MAGI2: variants seen among roughly 807,000 people sequenced by gnomAD.
MAGI2 encodes membrane-associated guanylate kinase, WW and PDZ domain-containing protein 2.
In MAGI2, 35 loss-of-function variants were observed where a neutral mutation model predicts 133.3. That is an observed-to-expected ratio of 0.26 (90% CI 0.20 to 0.35). MAGI2 has a LOEUF of 0.35. MAGI2 is among the 10% of genes least tolerant of loss of function. The pLI, the probability that MAGI2 is intolerant of heterozygous loss-of-function variation, is 1.00. For missense variants in MAGI2, 1,636 were observed against 1,863.4 expected (o/e 0.88, Z 2.25); for synonymous variants, 729 against 710.6 (o/e 1.03, Z -0.41).
At chr7:79,008,265 A>G (rs1419154093) in intron 1 of MAGI2, among the ~76,000 whole-genome samples, 1 of 152,164 alleles carries the variant, frequency 6.6e-6, no homozygotes, top group Non-Finnish European at 1.5e-5. Context: ...TCTCAGAATT[A>G]GAATTCATGA....
At chr7:78,535,807 C>T (rs1281094055) in intron 3 of MAGI2, among the ~76,000 whole-genome samples, 1 of 152,048 alleles carries the variant, frequency 6.6e-6, no homozygotes, top group South Asian at 2.1e-4. Flanking sequence ...TTTGCAGACC[C>T]TGCATTTCAA....
intron 6 of MAGI2, among the ~76,000 whole-genome samples, chr7:78,415,193 ATC>A (rs1358122306): frequency 6.6e-6 from 1 of 152,074 alleles, no homozygotes; most frequent in Non-Finnish European, 1.5e-5. Context: ...ATTAAGTTAT[ATC>A]TTCATAATTA....
At chr7:79,200,583 C>CCTG (rs1453721663) in intron 1 of MAGI2, among the ~76,000 whole-genome samples, 1 of 151,004 alleles carries the variant, frequency 6.6e-6, no homozygotes, top group Non-Finnish European at 1.5e-5. Flanking sequence ...TGAACTGCAG[C>CCTG]CTGGGTGACA....
intron 1 of MAGI2, among the ~76,000 whole-genome samples, chr7:79,180,704 A>C (rs529091479): frequency 6.6e-6 from 1 of 151,934 alleles, no homozygotes; most frequent in South Asian, 2.1e-4. Context: ...CAAAGTCCTA[A>C]CTCATTTCAG....
At chr7:78,526,097 T>A (rs1796926211) in intron 3 of MAGI2, among the ~76,000 whole-genome samples, 1 of 152,190 alleles carries the variant, frequency 6.6e-6, no homozygotes, top group Non-Finnish European at 1.5e-5. Context: ...ATATTATATA[T>A]AAAGCGAGTG....
intron 6 of MAGI2, among the ~76,000 whole-genome samples, chr7:78,412,839 T>C (rs1797985786): frequency 6.6e-6 from 1 of 152,094 alleles, no homozygotes; most frequent in South Asian, 2.1e-4. Flanking sequence ...ATATCACAAA[T>C]GTGAACTGCA....
intron 1 of MAGI2, among the ~76,000 whole-genome samples, chr7:79,308,740 T>C (rs1021841177): frequency 5.3e-5 from 8 of 152,174 alleles, no homozygotes; most frequent in Non-Finnish European, 8.8e-5. Flanking sequence ...CTCATTTCTA[T>C]TGGGCATTTA....
At position 78,019,259 on chromosome 7, in the gene MAGI2, G is replaced by T. The variant is rs1372759809; in HGVS notation, c.*56C>A. 2 of 1,564,508 alleles carry T rather than the reference G, an allele frequency of 1.3e-6. No individual in the cohort carries two copies. The highest frequency in any genetic ancestry group is 1.7e-6 in the Non-Finnish European group (2 of 1,160,286). On this transcript the variant is annotated 3_prime_UTR_variant, in exon 22 of 22. Transcript: ENST00000354212. ...AAATAAATTAAAACGCCGTGAGACG[G>T]AACCTAAGAAGAACTGCCTGCGCCG... is the stretch of plus-strand genomic sequence containing the variant.
chr7:78,681,148 C>T (rs1452111321), intron 2 of MAGI2, among the ~76,000 whole-genome samples: 3 of 152,030 alleles, frequency 2.0e-5, no homozygotes, highest in African/African-American at 7.2e-5. Context: ...TTACAGCAAC[C>T]AGAAATACAT....
intron 2 of MAGI2, among the ~76,000 whole-genome samples, chr7:78,891,488 T>C (rs1796744182): frequency 6.6e-6 from 1 of 152,188 alleles, no homozygotes; most frequent in African/African-American, 2.4e-5. Flanking sequence ...AATAAAATAC[T>C]GGCAAACCAA....
chr7:78,182,592 A>G (rs191642587), intron 13 of MAGI2, among the ~76,000 whole-genome samples: 1 of 152,044 alleles, frequency 6.6e-6, no homozygotes, highest in Non-Finnish European at 1.5e-5. Flanking sequence ...CCTCTGATTC[A>G]TTCCTGCCAG....
intron 3 of MAGI2, among the ~76,000 whole-genome samples, chr7:78,528,002 T>C (rs1797128350): frequency 6.6e-6 from 1 of 151,742 alleles, no homozygotes; most frequent in East Asian, 1.9e-4. Context: ...TTTTCCCCGT[T>C]TTGGTAAATG....
At chr7:78,739,318 T>C (rs1315959343) in intron 2 of MAGI2, among the ~76,000 whole-genome samples, 1 of 152,080 alleles carries the variant, frequency 6.6e-6, no homozygotes, top group Non-Finnish European at 1.5e-5. Context: ...GCAGAGCAGT[T>C]GGGGTTGCGG....
chr7:78,066,843 C>T (rs1813882146), intron 21 of MAGI2, among the ~76,000 whole-genome samples: 1 of 152,190 alleles, frequency 6.6e-6, no homozygotes, highest in Non-Finnish European at 1.5e-5. Context: ...TTAATCCATG[C>T]AGCTTGGATG....
intron 1 of MAGI2, among the ~76,000 whole-genome samples, chr7:79,054,351 C>T (rs1812945417): frequency 6.6e-6 from 1 of 152,102 alleles, no homozygotes; most frequent in Non-Finnish European, 1.5e-5. Context: ...ATTTATAGCT[C>T]CATAAGATTC....
chr7:78,667,320 A>G (rs1813709645), intron 2 of MAGI2, among the ~76,000 whole-genome samples: 1 of 151,438 alleles, frequency 6.6e-6, no homozygotes, highest in South Asian at 2.1e-4. Flanking sequence ...TGTCAAATAA[A>G]ACAAAGCGTG....
chr7:78,317,716 G>A (rs986994536), intron 9 of MAGI2, among the ~76,000 whole-genome samples: 3 of 152,156 alleles, frequency 2.0e-5, no homozygotes, highest in South Asian at 2.1e-4. Context: ...AGGAGGGGCC[G>A]ACAGAAACCT....
intron 2 of MAGI2, among the ~76,000 whole-genome samples, chr7:78,704,338 T>A (rs2151158272): frequency 6.6e-6 from 1 of 152,068 alleles, no homozygotes; most frequent in East Asian, 1.9e-4. Context: ...CACTAATCAT[T>A]AGAGAAATGC....
At chr7:78,339,147 C>T (rs1790090808) in intron 9 of MAGI2, among the ~76,000 whole-genome samples, 1 of 152,206 alleles carries the variant, frequency 6.6e-6, no homozygotes, top group African/African-American at 2.4e-5. Flanking sequence ...CCTTGAGAAA[C>T]AGTTCTGTGT....
Sources: gnomAD v4.1 joint callset for allele counts (sites outside exome capture counted in the v4.1 genomes callset) on GRCh38, gnomAD v4.1.1 for gene constraint, MANE v1.5 for transcripts, NCBI Gene and HGNC (gene_info 2026-07-23, HGNC 2026-07-21) for gene names.